TECRL: variants seen among roughly 807,000 people sequenced by gnomAD.
TECRL encodes trans-2,3-enoyl-CoA reductase-like.
In TECRL, 63 loss-of-function variants were observed where a neutral mutation model predicts 52.8. That is an observed-to-expected ratio of 1.19 (90% confidence interval 0.97 to 1.47). The LOEUF (loss-of-function observed/expected upper bound fraction) is 1.47. TECRL is among the 40% of genes most tolerant of loss of function. The pLI, the probability that TECRL is intolerant of heterozygous loss-of-function variation, is 0.00. For missense variants in TECRL, 482 were observed against 429.6 expected, an observed-to-expected ratio of 1.12 and a Z score of -1.08; for synonymous variants, 164 against 141.9, an observed-to-expected ratio of 1.16 and a Z score of -1.10.
chr4:64,302,718 G>A (rs898901622), intron 7 of TECRL, among the ~76,000 whole-genome samples: 1 of 151,158 alleles, frequency 6.6e-6, no homozygotes, highest in Admixed American at 6.6e-5. Context: ...TTAAGCAGAT[G>A]GGTTTAATGT....
intron 1 of TECRL, among the ~76,000 whole-genome samples, chr4:64,406,278 C>CTT (rs1393427230): frequency 6.6e-6 from 1 of 151,640 alleles, no homozygotes; most frequent in East Asian, 1.9e-4. Flanking sequence ...TGAGTCTATA[C>CTT]TTTGTCCATT....
At chr4:64,352,535 C>G (rs1461774099) in intron 2 of TECRL, among the ~76,000 whole-genome samples, 2 of 152,100 alleles carry the variant, frequency 1.3e-5, no homozygotes, top group Non-Finnish European at 2.9e-5. Flanking sequence ...CAAGTAAGAA[C>G]AGTAAAGGGC....
At chr4:64,316,492 A>G (rs1308159709) in intron 4 of TECRL, among the ~76,000 whole-genome samples, 1 of 152,146 alleles carries the variant, frequency 6.6e-6, no homozygotes, top group East Asian at 1.9e-4. Flanking sequence ...CAAATAGAAG[A>G]AAGGGGAAAA....
intron 5 of TECRL, among the ~76,000 whole-genome samples, chr4:64,314,293 A>G (rs1268247194): frequency 6.6e-6 from 1 of 152,118 alleles, no homozygotes. Context: ...TTTTTAGGGA[A>G]GCATTTGTAT....
chr4:64,321,485 G>A (rs2110028013), intron 4 of TECRL, among the ~76,000 whole-genome samples: 1 of 152,158 alleles, frequency 6.6e-6, no homozygotes, highest in East Asian at 1.9e-4. Context: ...AACTTTCATA[G>A]TTTAAATAAT....
At chr4:64,408,281 A>T (rs1724864709) in intron 1 of TECRL, among the ~76,000 whole-genome samples, 1 of 151,958 alleles carries the variant, frequency 6.6e-6, no homozygotes, top group Admixed American at 6.6e-5. Context: ...GAACACAGCA[A>T]CAAAAACGTA....
At chr4:64,351,678 A>G (rs1188368842) in intron 2 of TECRL, among the ~76,000 whole-genome samples, 1 of 152,200 alleles carries the variant, frequency 6.6e-6, no homozygotes, top group African/African-American at 2.4e-5. Flanking sequence ...CTATGCATGT[A>G]ACAAAATACC....
At chr4:64,394,025 T>C (rs924905644) in intron 1 of TECRL, among the ~76,000 whole-genome samples, 2 of 152,092 alleles carry the variant, frequency 1.3e-5, no homozygotes. Context: ...GTAATTTAGT[T>C]TTTCCTTCTT....
rs765161531 is a variant in TECRL, at chr4:64,300,018, C to T, written c.731-1G>A. On this transcript the variant is annotated splice_acceptor_variant, in intron 7 of 11. Transcript: ENST00000381210. LOFTEE classifies it high-confidence loss of function. Reference sequence around the variant, plus strand: ...ACTGTGATTTGCCTGTTTCCAAATGCTGGAGAGTAGAAAAAGAATATGTCA... The same window carrying T: ...ACTGTGATTTGCCTGTTTCCAAATGTTGGAGAGTAGAAAAAGAATATGTCA... 1.3e-6 allele frequency: 2 copies of T among 1,569,510 alleles called. No individual in the cohort carries two copies. The highest frequency in any genetic ancestry group is 1.7e-6 in the Non-Finnish European group (2 of 1,154,408).
intron 1 of TECRL, among the ~76,000 whole-genome samples, chr4:64,386,493 G>A (rs1723186685): frequency 1.3e-5 from 2 of 152,030 alleles, no homozygotes; most frequent in Admixed American, 6.6e-5. Context: ...GTGTTCATGA[G>A]TCAGCTGTAT....
At chr4:64,321,953 GA>G (rs1717930555) in intron 4 of TECRL, among the ~76,000 whole-genome samples, 1 of 152,150 alleles carries the variant, frequency 6.6e-6, no homozygotes, top group African/African-American at 2.4e-5. Flanking sequence ...TTACTAGAAG[GA>G]AAAGGTAAAG....
At chr4:64,285,439 C>T (rs1039049751) in intron 9 of TECRL, among the ~76,000 whole-genome samples, 4 of 152,042 alleles carry the variant, frequency 2.6e-5, no homozygotes, top group Non-Finnish European at 5.9e-5. Flanking sequence ...GAGAACATGA[C>T]TCATGACATT....
chr4:64,348,875 C>A (rs529217678), intron 2 of TECRL, among the ~76,000 whole-genome samples: 4 of 152,064 alleles, frequency 2.6e-5, no homozygotes, highest in Non-Finnish European at 5.9e-5. Flanking sequence ...ATGTCCACTG[C>A]GCAGGTAATG....
intron 1 of TECRL, among the ~76,000 whole-genome samples, chr4:64,390,883 T>C (rs549354698): frequency 2.0e-5 from 3 of 151,874 alleles, no homozygotes; most frequent in Admixed American, 2.0e-4. Flanking sequence ...AAATATGAAA[T>C]GAGTTTCAAG....
chr4:64,279,854 A>C lies in TECRL; in HGVS notation c.*218T>G, dbSNP rs1223994114. On this transcript the variant is annotated 3_prime_UTR_variant, in exon 12 of 12. Transcript: ENST00000381210. Reference sequence around the variant, plus strand: ...TCAAGGACCAATCCCATGCAAATACATTCAGAGCTGTTCTTAGTTAATTGC... The same window carrying C: ...TCAAGGACCAATCCCATGCAAATACCTTCAGAGCTGTTCTTAGTTAATTGC... The C allele has an allele frequency of 9.2e-7, 1 of 1,085,026 alleles. No homozygotes were observed. Among genetic ancestry groups the C allele is most frequent in the Non-Finnish European group, 1.1e-6 (1 of 894,804 alleles). The allele number at this position is 1,085,026 out of a possible 1,614,324, so 67.2% of individuals were successfully genotyped here. A position where few individuals can be genotyped will look rare whatever the true frequency, so the allele number is the denominator to read the frequency against.
intron 2 of TECRL, among the ~76,000 whole-genome samples, chr4:64,338,225 C>T (rs1347185450): frequency 6.6e-6 from 1 of 152,044 alleles, no homozygotes; most frequent in Non-Finnish European, 1.5e-5. Flanking sequence ...AACTGGCTAG[C>T]CATATGTAGA....
chr4:64,345,817 T>C (rs1380835042), intron 2 of TECRL, among the ~76,000 whole-genome samples: 1 of 148,626 alleles, frequency 6.7e-6, no homozygotes, highest in African/African-American at 2.5e-5. Flanking sequence ...ACTGTATGGT[T>C]GCAGGTAATC....
rs925731423 is a variant in TECRL at position 64,400,068 on chromosome 4, G to A, written c.234+9050C>T. On this transcript the variant is annotated intron_variant, in intron 1 of 11. Coordinates refer to ENST00000381210, the MANE Select transcript of TECRL (RefSeq NM_001010874.5). ...TCAATGCCAACCTACCAGCCTGTTA[G>A]AGCAGCCATAGGGACTGAACCCTGC... 4.6e-5 allele frequency among the ~76,000 whole-genome samples: 7 copies of A among 152,318 alleles called. 1 individual carries two copies. The highest frequency in any genetic ancestry group is 1.7e-4 in the African/African-American group (7 of 41,560).
intron 2 of TECRL, among the ~76,000 whole-genome samples, chr4:64,359,993 G>C (rs1406014956): frequency 6.6e-6 from 1 of 152,104 alleles, no homozygotes; most frequent in Non-Finnish European, 1.5e-5. Context: ...ACCTTTTAGT[G>C]AAACTGTCAA....
Sources: gnomAD v4.1 joint callset for allele counts (sites outside exome capture counted in the v4.1 genomes callset) on GRCh38, gnomAD v4.1.1 for gene constraint, MANE v1.5 for transcripts, NCBI Gene and HGNC (gene_info 2026-07-23, HGNC 2026-07-21) for gene names.